LRRTM4: variants seen among roughly 807,000 people sequenced by gnomAD.
LRRTM4 encodes the protein leucine-rich repeat transmembrane neuronal protein 4.
LRRTM4 carries 25 observed loss-of-function variants against 47.6 expected under a neutral mutation model. The observed-to-expected ratio is 0.53, with a 90% CI of 0.38 to 0.73. The LOEUF is 0.73. Ranked by LOEUF, LRRTM4 falls within the 30% of genes least tolerant of loss-of-function variation. The pLI is 0.00. For synonymous variants in LRRTM4, 311 were observed against 269.5 expected (o/e 1.15, Z -1.51); for missense variants, 638 against 713.4 (o/e 0.89, Z 1.20).
At chr2:77,454,923 C>T (rs1285740320) in intron 3 of LRRTM4, among the ~76,000 whole-genome samples, 1 of 152,002 alleles carries the variant, frequency 6.6e-6, no homozygotes, top group East Asian at 1.9e-4. Context: ...AGCGGTGGCT[C>T]TCGCCTGTAA....
chr2:77,409,382 A>G (rs1295247390), intron 3 of LRRTM4, among the ~76,000 whole-genome samples: 2 of 152,178 alleles, frequency 1.3e-5, no homozygotes, highest in Non-Finnish European at 2.9e-5. Flanking sequence ...GTGTCCTCAC[A>G]TGGCAGAAAT....
At chr2:76,985,801 G>A (rs753066776) in intron 3 of LRRTM4, among the ~76,000 whole-genome samples, 3 of 151,800 alleles carry the variant, frequency 2.0e-5, no homozygotes, top group African/African-American at 7.3e-5. Flanking sequence ...AATGTACTAC[G>A]CACGCATCAT....
At chr2:76,786,844 C>G (rs983505313) in intron 3 of LRRTM4, among the ~76,000 whole-genome samples, 11 of 147,328 alleles carry the variant, frequency 7.5e-5, no homozygotes, top group African/African-American at 2.7e-4. Flanking sequence ...ATATTGCTTT[C>G]CTTGCTGTTT....
At chr2:77,083,316 G>T (rs1398380379) in intron 3 of LRRTM4, among the ~76,000 whole-genome samples, 2 of 152,144 alleles carry the variant, frequency 1.3e-5, no homozygotes, top group Non-Finnish European at 2.9e-5. Context: ...CATAGTAGGG[G>T]TCCTGAGGAG....
intron 3 of LRRTM4, among the ~76,000 whole-genome samples, chr2:77,246,397 G>T (rs1675447257): frequency 6.6e-6 from 1 of 152,086 alleles, no homozygotes; most frequent in Admixed American, 6.6e-5. Flanking sequence ...GTAAATAATT[G>T]AATCAGTGTA....
chr2:77,360,551 TA>T (rs1194692050), intron 3 of LRRTM4, among the ~76,000 whole-genome samples: 15 of 79,222 alleles, frequency 1.9e-4, no homozygotes, highest in African/African-American at 8.4e-4. Flanking sequence ...CAATCATTCA[TA>T]CATACATACA....
At chr2:77,431,370 G>A (rs749390320) in intron 3 of LRRTM4, among the ~76,000 whole-genome samples, 1 of 148,684 alleles carries the variant, frequency 6.7e-6, no homozygotes, top group Non-Finnish European at 1.5e-5. Flanking sequence ...ATTTATGAGG[G>A]CTATGCTCAT....
At chr2:76,807,927 CCTTTCCTTT>C (rs1435364513) in intron 3 of LRRTM4, among the ~76,000 whole-genome samples, 1 of 116,222 alleles carries the variant, frequency 8.6e-6, no homozygotes, top group African/African-American at 3.0e-5. Flanking sequence ...TCCTTTCTTT[CCTTTCCTTT>C]CTTTCTTTCT....
At chr2:76,875,212 G>A (rs1053479705) in intron 3 of LRRTM4, among the ~76,000 whole-genome samples, 4 of 152,090 alleles carry the variant, frequency 2.6e-5, no homozygotes, top group African/African-American at 9.7e-5. Flanking sequence ...ATTTGCCTCA[G>A]ATAAGATAAA....
intron 3 of LRRTM4, among the ~76,000 whole-genome samples, chr2:77,099,706 G>A (rs3820749): frequency 0.12 from 18,732 of 151,870 alleles, 1,459 homozygotes; most frequent in Middle Eastern, 0.2. Context: ...ACCAACATGT[G>A]TGAATGTCTG....
rs528922616 is a variant in LRRTM4 at position 77,507,136 on chromosome 2, AAAT to A, written c.1551+11179_1551+11181del. Among the ~76,000 whole-genome samples, 250 of 152,174 alleles carry A rather than the reference AAAT, an allele frequency of 1.6e-3. 2 individuals carry two copies. The highest frequency in any genetic ancestry group is 8.9e-3 in the South Asian group (43 of 4,824). On this transcript the variant is annotated intron_variant, in intron 3 of 3. Transcript: ENST00000409884. Reference sequence around the variant, plus strand: ...AGCATTCATTTACTTTATAACTAGAAAATAATGGAAATTAAAATGTATCATGTT... The same window carrying A: ...AGCATTCATTTACTTTATAACTAGAAAATGGAAATTAAAATGTATCATGTT...
chr2:76,800,627 T>C (rs200359066), intron 3 of LRRTM4, among the ~76,000 whole-genome samples: 10,835 of 133,962 alleles, frequency 0.081, 306 homozygotes, highest in Middle Eastern at 0.14. Flanking sequence ...CTAAAGAGCT[T>C]CTGCACAGCA....
At chr2:77,158,881 A>G (rs1344640757) in intron 3 of LRRTM4, among the ~76,000 whole-genome samples, 3 of 151,814 alleles carry the variant, frequency 2.0e-5, no homozygotes, top group Non-Finnish European at 2.9e-5. Context: ...CTTTATAATT[A>G]ATTACATACG....
rs538746965 is a variant in LRRTM4 at position 77,126,032 on chromosome 2, T to TTA, written c.1552-377118_1552-377117dup. ...TCTGGGTCATGTACATATGTGCACT[T>TTA]TATATATATAGGGTAGAAGTGAAAT... On this transcript the variant is annotated intron_variant, in intron 3 of 3. Transcript: ENST00000409884. Among the ~76,000 whole-genome samples the TTA allele has an allele frequency of 1.5e-4, 22 of 151,636 alleles. 1 individual carries two copies. The South Asian group carries it at 4.4e-3, about 30-fold the overall frequency.
At chr2:76,831,283 G>C (rs974958647) in intron 3 of LRRTM4, among the ~76,000 whole-genome samples, 1 of 152,112 alleles carries the variant, frequency 6.6e-6, no homozygotes, top group African/African-American at 2.4e-5. Flanking sequence ...GCAACTACAG[G>C]ATACTATTTG....
chr2:77,426,161 C>T (rs1675096664), intron 3 of LRRTM4, among the ~76,000 whole-genome samples: 1 of 151,648 alleles, frequency 6.6e-6, no homozygotes, highest in Non-Finnish European at 1.5e-5. Context: ...TCCCTATTTC[C>T]CCTGTTCGAT....
chr2:77,003,059 T>A (rs1677491089), intron 3 of LRRTM4, among the ~76,000 whole-genome samples: 1 of 152,054 alleles, frequency 6.6e-6, no homozygotes, highest in Admixed American at 6.6e-5. Context: ...GTACTCAGTA[T>A]AATTTCTGTT....
intron 3 of LRRTM4, among the ~76,000 whole-genome samples, chr2:77,504,623 A>G (rs1024025163): frequency 1.3e-4 from 20 of 151,592 alleles, no homozygotes; most frequent in African/African-American, 4.6e-4. Flanking sequence ...ACAAAACAGA[A>G]CGTTGAGGCA....
At chr2:77,005,634 T>A (rs936924608) in intron 3 of LRRTM4, among the ~76,000 whole-genome samples, 2 of 152,178 alleles carry the variant, frequency 1.3e-5, no homozygotes, top group African/African-American at 4.8e-5. Flanking sequence ...TGATAATGAA[T>A]CTGTCTCATA....
Sources: allele counts gnomAD v4.1 joint callset (sites outside exome capture counted in the v4.1 genomes callset), GRCh38; gene constraint gnomAD v4.1.1; transcripts MANE v1.5; gene names NCBI Gene and HGNC (gene_info 2026-07-23, HGNC 2026-07-21).